Variants in CWF19L1 observed in about 807,000 individuals in gnomAD.
The protein encoded by CWF19L1 is CWF19 like cell cycle control factor 1, also known as CWF19-like protein 1.
A neutral mutation model predicts 69.7 loss-of-function variants in CWF19L1; 60 were observed. That is an observed-to-expected ratio of 0.86 (90% CI 0.70 to 1.07). The LOEUF is 1.07. CWF19L1 is among the 50% of genes least tolerant of loss of function. CWF19L1 has a pLI of 0.00. For missense variants in CWF19L1, 591 were observed against 638.9 expected (o/e 0.92, Z 0.81); for synonymous variants, 209 against 222.2 (o/e 0.94, Z 0.53).
At chr10:100,262,744 G>A (rs1847449033) in intron 1 of CWF19L1, among the ~76,000 whole-genome samples, 1 of 152,122 alleles carries the variant, frequency 6.6e-6, no homozygotes, top group African/African-American at 2.4e-5. Flanking sequence ...AGGTAAACTG[G>A]CCCTACGTTG....
chr10:100,249,534 TC>T (rs1289496004), intron 7 of CWF19L1, among the ~76,000 whole-genome samples: 1 of 152,146 alleles, frequency 6.6e-6, no homozygotes, highest in East Asian at 1.9e-4. Flanking sequence ...CACTAAGATT[TC>T]CCTCAGGAAA....
In CWF19L1 at chr10:100,250,961, TA is replaced by T. The variant is rs1181690145; in HGVS notation, c.624-630del. Among the ~76,000 whole-genome samples the T allele has an allele frequency of 4.3e-3, 604 of 139,942 alleles. 2 individuals are homozygous for T. The highest frequency in any genetic ancestry group is 0.012 in the African/African-American group (447 of 38,028). 91.8% of individuals were successfully genotyped at this position (139,942 alleles called of 152,430 possible). On this transcript the variant is annotated intron_variant, in intron 6 of 13. Transcript: ENST00000354105. ...AGATCTTGTCTCAAAAAAAAAAAAT[TA>T]AAAAAAAAAAAAATGTAGTCCTTTG...
chr10:100,260,874 A>C, intron 3 of CWF19L1, 92 bp downstream of exon 3: 3 of 817,260 alleles, frequency 3.7e-6, no homozygotes, highest in Middle Eastern at 3.5e-4. Flanking sequence ...AATAACTCTT[A>C]AATTCTTAAA....
intron 7 of CWF19L1, chr10:100,248,454 A>C: frequency 1.5e-6 from 1 of 684,570 alleles, no homozygotes; most frequent in Non-Finnish European, 2.7e-6. Context: ...ACACAAACCT[A>C]TTATCTTTGA....
chr10:100,251,307 C>T (rs1259752792), intron 6 of CWF19L1, among the ~76,000 whole-genome samples: 18 of 152,136 alleles, frequency 1.2e-4, no homozygotes, highest in Admixed American at 7.9e-4. Context: ...TTTTCCAAAG[C>T]GGCTGCACCA....
intron 6 of CWF19L1, 111 bp downstream of exon 6, chr10:100,253,310 G>A: frequency 1.5e-6 from 1 of 660,478 alleles, no homozygotes; most frequent in East Asian, 2.6e-5. Context: ...CAGTGTCTGA[G>A]TAACCAAATG....
At chr10:100,260,457 A>G (rs1324189529) in intron 3 of CWF19L1, 138 bp from the exon 4 acceptor site, 1 of 553,044 alleles carries the variant, frequency 1.8e-6, no homozygotes, top group African/African-American at 2.0e-5. Context: ...TAGCAATCCT[A>G]AATGTGGAAC....
intron 13 of CWF19L1, 100 bp from the exon 14 acceptor site, chr10:100,233,471 C>T: frequency 8.0e-7 from 1 of 1,255,946 alleles, no homozygotes; most frequent in Non-Finnish European, 1.1e-6. Context: ...ACTTTGCTCT[C>T]CTGCCCTGAG....
At chr10:100,245,709 A>G (rs566598438) in intron 9 of CWF19L1, 90 bp downstream of exon 9, 2 of 902,868 alleles carry the variant, frequency 2.2e-6, no homozygotes, top group African/African-American at 3.4e-5. Context: ...CCCTGCCAGA[A>G]GAGGCTCTCT....
chr10:100,246,979 T>C, intron 7 of CWF19L1, 44 bp from the exon 8 acceptor site: 1 of 1,516,494 alleles, frequency 6.6e-7, no homozygotes, highest in East Asian at 2.3e-5. Context: ...AAATACTATT[T>C]ACCCAACTGT....
At chr10:100,265,414 AACTC>A (rs1228989485) in intron 1 of CWF19L1, among the ~76,000 whole-genome samples, 4 of 151,890 alleles carry the variant, frequency 2.6e-5, no homozygotes, top group Non-Finnish European at 4.4e-5. Flanking sequence ...ACCTCTTACT[AACTC>A]ACTCAGAGAA....
chr10:100,245,735 C>T (rs1212555711), intron 9 of CWF19L1, 64 bp downstream of exon 9: 10 of 1,281,980 alleles, frequency 7.8e-6, no homozygotes, highest in East Asian at 2.3e-5. Context: ...ATGCTGCTTT[C>T]CAAAGAAAAG....
chr10:100,264,551 A>G (rs987656483), intron 1 of CWF19L1, among the ~76,000 whole-genome samples: 18 of 151,884 alleles, frequency 1.2e-4, no homozygotes, highest in African/African-American at 4.4e-4. Context: ...TCTCAAAAAA[A>G]AAAAAATATA....
chr10:100,253,319 T>C, intron 6 of CWF19L1, 102 bp downstream of exon 6: 3 of 685,920 alleles, frequency 4.4e-6, no homozygotes, highest in Middle Eastern at 2.6e-4. Context: ...AGTAACCAAA[T>C]GGAACCAAGA....
intron 5 of CWF19L1, among the ~76,000 whole-genome samples, chr10:100,255,044 T>C (rs17112795): frequency 0.049 from 7,426 of 152,228 alleles, 603 homozygotes; most frequent in African/African-American, 0.17. Context: ...AATCCAACCA[T>C]GGAGATTTGT....
At position 100,242,673 on chromosome 10, in the gene CWF19L1, CAAA is replaced by C. The variant is rs397844633; in HGVS notation, c.1044+1022_1044+1024del. Among the ~76,000 whole-genome samples, 95 of 88,752 alleles carry C rather than the reference CAAA, an allele frequency of 1.1e-3. 1 individual carries two copies. The highest frequency in any genetic ancestry group is 1.4e-3 in the African/African-American group (43 of 31,746). The allele number at this position is 88,752 out of a possible 152,430, so 58.2% of individuals were successfully genotyped here. A position where few individuals can be genotyped will look rare whatever the true frequency, so the allele number is the denominator to read the frequency against. ...TGGGCAACAGAGCGAGACTCCATCT[CAAA>C]AAAAAAAAAAAAAAAATTTCATAAG... On this transcript the variant is annotated intron_variant, in intron 10 of 13. Coordinates refer to ENST00000354105, the MANE Select transcript of CWF19L1 (RefSeq NM_018294.6).
At chr10:100,250,874 C>T (rs1043023205) in intron 6 of CWF19L1, among the ~76,000 whole-genome samples, 2 of 150,284 alleles carry the variant, frequency 1.3e-5, no homozygotes, top group Non-Finnish European at 3.0e-5. Context: ...CTTGAGCCCA[C>T]GAGGTTGAGG....
At chr10:100,237,054 A>G in intron 11 of CWF19L1, 85 bp from the exon 12 acceptor site, 3 of 1,478,630 alleles carry the variant, frequency 2.0e-6, no homozygotes, top group Non-Finnish European at 1.8e-6. Flanking sequence ...TAGCAAATCC[A>G]TCACAGGGGT....
chr10:100,239,009 A>C, intron 10 of CWF19L1, among the ~76,000 whole-genome samples: 2 of 142,554 alleles, frequency 1.4e-5, no homozygotes, highest in Non-Finnish European at 1.5e-5. Flanking sequence ...CCCCGAATAT[A>C]CTCCTTGGGC....
Sources: allele counts gnomAD v4.1 joint callset (sites outside exome capture counted in the v4.1 genomes callset), GRCh38; gene constraint gnomAD v4.1.1; transcripts MANE v1.5; gene names NCBI Gene and HGNC (gene_info 2026-07-23, HGNC 2026-07-21).